The following RPH3A variants were observed in gnomAD, a reference collection of about 807,000 sequenced individuals.
RPH3A encodes rabphilin 3A.
Under a neutral mutation model 102.2 loss-of-function variants are expected in RPH3A, and 48 were observed. The observed-to-expected ratio is 0.47, with a 90% CI of 0.37 to 0.60. The LOEUF (loss-of-function observed/expected upper bound fraction) is 0.60, where lower values mean the gene tolerates loss of function less well. RPH3A is among the 20% of genes least tolerant of loss of function. RPH3A has a pLI of 0.00. For missense variants in RPH3A, 781 were observed against 910.1 expected (o/e 0.86, Z 1.83); for synonymous variants, 310 against 324.3 (o/e 0.96, Z 0.47).
At chr12:112,799,311 C>A (rs905304733) in intron 2 of RPH3A, among the ~76,000 whole-genome samples, 1 of 152,010 alleles carries the variant, frequency 6.6e-6, no homozygotes. Context: ...TCACTTGAGC[C>A]CAGGAGGCTG....
At chr12:112,606,372 G>C (rs1399238561) in intron 1 of RPH3A, among the ~76,000 whole-genome samples, 2 of 151,996 alleles carry the variant, frequency 1.3e-5, no homozygotes, top group Non-Finnish European at 2.9e-5. Flanking sequence ...AAAGAAAATA[G>C]GGTTTTTGTT....
At chr12:112,751,369 T>C (rs1204373599) in intron 1 of RPH3A, among the ~76,000 whole-genome samples, 1 of 152,228 alleles carries the variant, frequency 6.6e-6, no homozygotes, top group Non-Finnish European at 1.5e-5. Flanking sequence ...TTCTTGGTTC[T>C]GCTGGTTTGT....
intron 1 of RPH3A, among the ~76,000 whole-genome samples, chr12:112,750,594 T>A (rs1243602458): frequency 6.6e-6 from 1 of 152,116 alleles, no homozygotes; most frequent in African/African-American, 2.4e-5. Context: ...GCCAATAGGG[T>A]GCACTGCAAT....
intron 4 of RPH3A, among the ~76,000 whole-genome samples, chr12:112,845,241 T>C (rs1405465692): frequency 6.6e-6 from 1 of 152,192 alleles, no homozygotes; most frequent in Admixed American, 6.5e-5. Context: ...CCCTCTAGCA[T>C]GCTGCCTGCT....
Position 112,725,033 on chromosome 12 carries a change from G to A in RPH3A, c.-139-67110G>A, listed in dbSNP as rs568392969. ...GGAGGCCAATGTGGGAAGATCACCT[G>A]AGGTCAGGAGTTTGAGACCAGCCTG... is the stretch of plus-strand genomic sequence containing the variant. On this transcript the variant is annotated intron_variant, in intron 1 of 21. Coordinates refer to the RPH3A transcript ENST00000543106. Among the ~76,000 whole-genome samples, 8 of 151,626 alleles carry A rather than the reference G, an allele frequency of 5.3e-5. No homozygotes were observed. In the East Asian group the frequency reaches 1.4e-3, roughly 26 times the overall value.
chr12:112,621,778 GC>G lies in RPH3A; in HGVS notation c.-140+46460del, dbSNP rs1327485057. Among the ~76,000 whole-genome samples the G allele has an allele frequency of 3.5e-4, 53 of 151,854 alleles. 1 individual carries two copies. The highest frequency in any genetic ancestry group is 3.5e-3 in the Admixed American group (53 of 15,248). ...CAGGGCACAGACAAACAAAAAGACA[GC>G]AGTAACCTCTGCAGACTTAAATGTC... is the stretch of plus-strand genomic sequence containing the variant. On this transcript the variant is annotated intron_variant, in intron 1 of 21. Coordinates refer to the RPH3A transcript ENST00000543106.
chr12:112,590,369 T>G (rs2039468909), intron 1 of RPH3A, among the ~76,000 whole-genome samples: 1 of 152,236 alleles, frequency 6.6e-6, no homozygotes, highest in African/African-American at 2.4e-5. Flanking sequence ...CAGTCTCGAC[T>G]CAATCACCTT....
In RPH3A at chr12:112,719,097, G is replaced by A. The variant is rs574584782; in HGVS notation, c.-139-73046G>A. On this transcript the variant is annotated intron_variant, in intron 1 of 21. Coordinates refer to the RPH3A transcript ENST00000543106. Reference sequence around the variant, plus strand: ...TGGAGGGGTGCTACTGGCATATGGTGGGTAGAAGAAAGCTGCTAAATATCC... The same window carrying A: ...TGGAGGGGTGCTACTGGCATATGGTAGGTAGAAGAAAGCTGCTAAATATCC... Among the ~76,000 whole-genome samples, 413 of 152,204 alleles carry A rather than the reference G, an allele frequency of 2.7e-3. 3 individuals carry two copies. The highest frequency in any genetic ancestry group is 9.3e-3 in the African/African-American group (388 of 41,520).
intron 1 of RPH3A, among the ~76,000 whole-genome samples, chr12:112,671,548 C>T (rs967325483): frequency 6.6e-6 from 1 of 152,166 alleles, no homozygotes; most frequent in Non-Finnish European, 1.5e-5. Context: ...CAGCTAGCTA[C>T]AGCTAGTTCG....
intron 1 of RPH3A, among the ~76,000 whole-genome samples, chr12:112,726,413 A>G (rs1450055548): frequency 2.0e-5 from 3 of 152,090 alleles, no homozygotes; most frequent in African/African-American, 7.2e-5. Context: ...GCGATTTCTT[A>G]CATGCATATA....
At chr12:112,862,237 C>T (rs80336433) in intron 5 of RPH3A, among the ~76,000 whole-genome samples, 1 of 148,652 alleles carries the variant, frequency 6.7e-6, no homozygotes, top group Non-Finnish European at 1.5e-5. Flanking sequence ...GAGACTCAGT[C>T]CCCCCCCCAA....
At chr12:112,597,006 T>C (rs143143481) in intron 1 of RPH3A, among the ~76,000 whole-genome samples, 1 of 152,366 alleles carries the variant, frequency 6.6e-6, no homozygotes, top group East Asian at 1.9e-4. Flanking sequence ...CATTTCCTTT[T>C]TTCTACTGTT....
intron 2 of RPH3A, among the ~76,000 whole-genome samples, chr12:112,825,244 TG>T (rs1296247931): frequency 6.6e-6 from 1 of 152,192 alleles, no homozygotes; most frequent in Non-Finnish European, 1.5e-5. Context: ...CATATTAATC[TG>T]GGAAGATGAT....
chr12:112,616,271 C>T (rs1036693651), intron 1 of RPH3A, among the ~76,000 whole-genome samples: 11 of 152,130 alleles, frequency 7.2e-5, no homozygotes, highest in East Asian at 1.9e-4. Flanking sequence ...CTCAGCCTCC[C>T]GAACAGCTGG....
intron 1 of RPH3A, among the ~76,000 whole-genome samples, chr12:112,679,689 G>C (rs1053299907): frequency 6.6e-6 from 1 of 152,156 alleles, no homozygotes; most frequent in South Asian, 2.1e-4. Context: ...GCCTCCCAAA[G>C]TGCTAGGATT....
chr12:112,750,836 G>A (rs980313415), intron 1 of RPH3A, among the ~76,000 whole-genome samples: 1 of 152,134 alleles, frequency 6.6e-6, no homozygotes, highest in African/African-American at 2.4e-5. Flanking sequence ...AGGCCAATGA[G>A]GAGCTAGGGG....
chr12:112,766,728 T>C (rs2040892030), intron 1 of RPH3A, among the ~76,000 whole-genome samples: 1 of 152,164 alleles, frequency 6.6e-6, no homozygotes, highest in African/African-American at 2.4e-5. Context: ...CTCTGTGTCA[T>C]CCTGAGAGGC....
intron 19 of RPH3A, among the ~76,000 whole-genome samples, chr12:112,892,220 A>C (rs1423791028): frequency 6.6e-6 from 1 of 152,166 alleles, no homozygotes; most frequent in Non-Finnish European, 1.5e-5. Flanking sequence ...TAACATCTCT[A>C]GGCCTCAGTG....
intron 2 of RPH3A, among the ~76,000 whole-genome samples, chr12:112,809,093 G>A (rs952373332): frequency 2.0e-5 from 3 of 152,144 alleles, no homozygotes; most frequent in East Asian, 1.9e-4. Flanking sequence ...TGACTTCGGT[G>A]AGTTATCTTA....
Sources: gnomAD v4.1 joint callset for allele counts (sites outside exome capture counted in the v4.1 genomes callset) on GRCh38, gnomAD v4.1.1 for gene constraint, MANE v1.5 for transcripts, NCBI Gene and HGNC (gene_info 2026-07-23, HGNC 2026-07-21) for gene names.